Variants in ZNF282 observed in about 807,000 individuals in gnomAD.
ZNF282 encodes zinc finger protein 282.
A neutral mutation model predicts 61.9 loss-of-function variants in ZNF282; 30 were observed. The observed-to-expected ratio is 0.48, with a 90% CI of 0.36 to 0.66. The LOEUF (loss-of-function observed/expected upper bound fraction) is 0.66, where lower values mean the gene tolerates loss of function less well. Among genes scored for constraint, ZNF282 ranks in the 30% least tolerant of loss-of-function variants. The pLI is 0.00. For synonymous variants in ZNF282, 396 were observed against 405.0 expected, an observed-to-expected ratio of 0.98 and a Z score of 0.27; for missense variants, 788 against 941.4, an observed-to-expected ratio of 0.84 and a Z score of 2.13.
At chr7:149,221,845 G>A (rs1243079621) in intron 7 of ZNF282, among the ~76,000 whole-genome samples, 2 of 152,128 alleles carry the variant, frequency 1.3e-5, no homozygotes, top group Non-Finnish European at 2.9e-5. Context: ...GTGGAAACAT[G>A]GCAGATGTGG....
chr7:149,221,445 GTAGGACTGCCT>G lies in ZNF282; in HGVS notation c.1181-2362_1181-2352del, dbSNP rs1796249466. ...CACACTGGGTTGGAAGACGGTCAGA[GTAGGACTGCCT>G]TAGGTGGGCTTCCCGGGAGACAGCC... On this transcript the variant is annotated intron_variant, in intron 7 of 7. Coordinates refer to ENST00000610704, the MANE Select transcript of ZNF282 (RefSeq NM_003575.4). Among the ~76,000 whole-genome samples, 3 of 152,338 alleles carry G rather than the reference GTAGGACTGCCT, an allele frequency of 2.0e-5. No individual in the cohort carries two copies. In the South Asian group the frequency reaches 6.2e-4, roughly 32 times the overall value.
intron 6 of ZNF282, among the ~76,000 whole-genome samples, chr7:149,213,079 C>T (rs188054954): frequency 5.9e-5 from 9 of 152,288 alleles, no homozygotes; most frequent in Admixed American, 1.3e-4. Context: ...CACCTGCCCA[C>T]GACCTATGTG....
chr7:149,223,815 A>T lies in ZNF282; in HGVS notation c.1184A>T (p.Asp395Val). The change falls in exon 8 of 8, where the codon GAC (aspartate) becomes GTC (valine). Residue 395 changes from aspartate to valine, a missense_variant. Around this residue, in one of 3 missense-constraint regions of ZNF282, gnomAD observed 559 missense variants for 642.0 expected, o/e 0.87. Coordinates refer to ENST00000610704, the MANE Select transcript of ZNF282 (RefSeq NM_003575.4). ...TCACTTCTTCCTATCTCCCCAGGTGACAGCCTGCTGATGGTGAAGAACCCA... is the reference window on the plus strand; with the variant it reads ...TCACTTCTTCCTATCTCCCCAGGTGTCAGCCTGCTGATGGTGAAGAACCCA... Reference protein sequence around the residue: ...GELGLDSGPSDSLLMVKNPPP... With the variant: ...GELGLDSGPSVSLLMVKNPPP... The T allele has an allele frequency of 6.7e-7, 1 of 1,492,980 alleles. No individual in the cohort carries two copies. Among genetic ancestry groups the T allele is most frequent in the Non-Finnish European group, 8.9e-7 (1 of 1,129,284 alleles). 92.5% of individuals were successfully genotyped at this position (1,492,980 alleles called of 1,614,324 possible).
At chr7:149,215,072 A>G (rs1258225253) in intron 7 of ZNF282, among the ~76,000 whole-genome samples, 3 of 152,216 alleles carry the variant, frequency 2.0e-5, no homozygotes, top group South Asian at 2.1e-4. Flanking sequence ...AGCTCAGGCT[A>G]ATATTCCTCG....
intron 4 of ZNF282, among the ~76,000 whole-genome samples, chr7:149,210,162 G>A (rs933328120): frequency 6.6e-6 from 1 of 152,016 alleles, no homozygotes; most frequent in Non-Finnish European, 1.5e-5. Flanking sequence ...CCTCAACCTG[G>A]CCAGCTCTTT....
intron 4 of ZNF282, among the ~76,000 whole-genome samples, chr7:149,210,365 CCTT>C (rs1310321457): frequency 6.6e-6 from 1 of 152,222 alleles, no homozygotes; most frequent in East Asian, 1.9e-4. Flanking sequence ...GCTCCTGAGA[CCTT>C]CTGCTCCTCA....
At chr7:149,213,655 G>C in intron 6 of ZNF282, 46 bp from the exon 7 acceptor site, 1 of 1,473,244 alleles carries the variant, frequency 6.8e-7, no homozygotes, top group Non-Finnish European at 9.4e-7. Context: ...GGGAGGCCGA[G>C]TAGAACTGAA....
Position 149,224,234 on chromosome 7 carries a change from A to T in ZNF282, c.1603A>T (p.Ile535Phe). The T allele has an allele frequency of 6.2e-7, 1 of 1,610,844 alleles. No individual in the cohort carries two copies. Among genetic ancestry groups the T allele is most frequent in the Non-Finnish European group, 8.5e-7 (1 of 1,179,610 alleles). ...CTTCGGCGTGCGCAAGAGCCTCATCATCCACCACCGCAGCCACACCAAGGA... is the reference window on the plus strand; with the variant it reads ...CTTCGGCGTGCGCAAGAGCCTCATCTTCCACCACCGCAGCCACACCAAGGA... ...KSFGVRKSLI[I>F]HHRSHTKERP... The change falls in exon 8 of 8, where the codon ATC (isoleucine) becomes TTC (phenylalanine). Residue 535 changes from isoleucine to phenylalanine, a missense_variant. Coordinates refer to ENST00000610704, the MANE Select transcript of ZNF282 (RefSeq NM_003575.4).
intron 2 of ZNF282, among the ~76,000 whole-genome samples, chr7:149,201,292 C>A (rs931211562): frequency 6.6e-6 from 1 of 152,210 alleles, no homozygotes; most frequent in Non-Finnish European, 1.5e-5. Context: ...ACTCCCATCG[C>A]CATCGTCTGG....
At position 149,200,844 on chromosome 7, in the gene ZNF282, G is replaced by A. The variant is rs142053177; in HGVS notation, c.585+2092G>A. Among the ~76,000 whole-genome samples the A allele has an allele frequency of 1.0e-3, 153 of 152,234 alleles. 1 individual carries two copies. The highest frequency in any genetic ancestry group is 3.5e-3 in the African/African-American group (144 of 41,554). ...ACTCCTGACCTCAGGTGATCCACCT[G>A]CCTGGGCCTCCCAAAGTGCTGAGGT... On this transcript the variant is annotated intron_variant, in intron 2 of 7. Transcript: ENST00000610704.
chr7:149,216,525 C>A lies in ZNF282; in HGVS notation c.1180+2711C>A, dbSNP rs563275034. ...AAGTCACGACAGCCTCTTATCAGAACCTCTGTTCTTTCTCCCAAAGTGAGC... is the reference window on the plus strand; with the variant it reads ...AAGTCACGACAGCCTCTTATCAGAAACTCTGTTCTTTCTCCCAAAGTGAGC... On this transcript the variant is annotated intron_variant, in intron 7 of 7. Transcript: ENST00000610704. Among the ~76,000 whole-genome samples the A allele has an allele frequency of 2.7e-4, 41 of 152,348 alleles. 1 individual carries two copies. The highest frequency in any genetic ancestry group is 9.4e-4 in the African/African-American group (39 of 41,578).
chr7:149,199,213 G>A (rs1351710896), intron 2 of ZNF282, among the ~76,000 whole-genome samples: 2 of 152,270 alleles, frequency 1.3e-5, no homozygotes, highest in Non-Finnish European at 2.9e-5. Flanking sequence ...AGTTCAGAAT[G>A]CACACTCCGT....
rs1796373615 is a variant in ZNF282, at chr7:149,226,226, CAAT to C, written c.*1580_*1582del. On this transcript the variant is annotated 3_prime_UTR_variant, in exon 8 of 8. Coordinates refer to ENST00000610704, the MANE Select transcript of ZNF282 (RefSeq NM_003575.4). ...CTCCAGCTTGCCTACAGTAAAGCCTCAATGAACTGGAATCCAATTCAATGGGGT... is the reference window on the plus strand; with the variant it reads ...CTCCAGCTTGCCTACAGTAAAGCCTCGAACTGGAATCCAATTCAATGGGGT... 1 of 152,336 alleles carries C rather than the reference CAAT, an allele frequency of 6.6e-6. No individual in the cohort carries two copies. The highest frequency in any genetic ancestry group is 6.6e-5 in the Admixed American group (1 of 15,180). 9.4% of individuals were successfully genotyped at this position (152,336 alleles called of 1,614,324 possible).
chr7:149,207,493 C>A, intron 4 of ZNF282, 23 bp downstream of exon 4: 4 of 1,556,032 alleles, frequency 2.6e-6, no homozygotes, highest in Non-Finnish European at 3.5e-6. Context: ...GAAGAGAGTG[C>A]GGGGTCCAGG....
chr7:149,221,072 A>C (rs1359614614), intron 7 of ZNF282, among the ~76,000 whole-genome samples: 1 of 152,096 alleles, frequency 6.6e-6, no homozygotes, highest in African/African-American at 2.4e-5. Context: ...GGCGTGTGTC[A>C]CAGTACCTAA....
In ZNF282 at chr7:149,220,803, G is replaced by A. The variant is rs76646792; in HGVS notation, c.1181-3009G>A. ...GCCCTCAGGGCCATGCATGGGTTGG[G>A]GGGGAGGGGCGTAGGATAGAGGAGG... is the stretch of plus-strand genomic sequence containing the variant. On this transcript the variant is annotated intron_variant, in intron 7 of 7. Coordinates refer to ENST00000610704, the MANE Select transcript of ZNF282 (RefSeq NM_003575.4). 5.8e-3 allele frequency among the ~76,000 whole-genome samples: 886 copies of A among 152,272 alleles called. 8 individuals carry two copies. Among genetic ancestry groups the A allele is most frequent in the African/African-American group, 0.021 (857 of 41,552 alleles).
Position 149,207,331 on chromosome 7 carries a change from T to A in ZNF282, c.713-20T>A. 7 of 1,583,460 alleles carry A rather than the reference T, an allele frequency of 4.4e-6. No individual in the cohort carries two copies. The highest frequency in any genetic ancestry group is 6.0e-6 in the Non-Finnish European group (7 of 1,162,660). On this transcript the variant is annotated intron_variant, in intron 3 of 7. Coordinates refer to ENST00000610704, the MANE Select transcript of ZNF282 (RefSeq NM_003575.4). Reference sequence around the variant, plus strand: ...TGGTCAACTTCACTCAGCCTTTCCCTCCCTCCTCCTCACTTCCAGACGCGG... The same window carrying A: ...TGGTCAACTTCACTCAGCCTTTCCCACCCTCCTCCTCACTTCCAGACGCGG...
chr7:149,224,929 G>T lies in ZNF282; in HGVS notation c.*282G>T. ...CCTCACACCTCCTCGAGTGCCCTGG[G>T]ACCACTGGGCCACAGATGGTCATCA... On this transcript the variant is annotated 3_prime_UTR_variant, in exon 8 of 8. Transcript: ENST00000610704. The T allele has an allele frequency of 2.2e-6, 1 of 458,878 alleles. No individual in the cohort carries two copies. The highest frequency in any genetic ancestry group is 3.8e-5 in the East Asian group (1 of 26,112). The allele number at this position is 458,878 out of a possible 1,614,324, so 28.4% of individuals were successfully genotyped here.
At chr7:149,213,584 G>A (rs1410845989) in intron 6 of ZNF282, 117 bp from the exon 7 acceptor site, 5 of 708,554 alleles carry the variant, frequency 7.1e-6, no homozygotes, top group East Asian at 2.7e-5. Context: ...ATGCAACACC[G>A]ATACCAAAAC....
Sources: gnomAD v4.1 joint callset for allele counts (sites outside exome capture counted in the v4.1 genomes callset) on GRCh38, gnomAD v4.1.1 for gene constraint, gnomAD v4.1.1 regional missense constraint, MANE v1.5 for transcripts, NCBI Gene and HGNC (gene_info 2026-07-23, HGNC 2026-07-21) for gene names.